The following ANKRD10 variants were observed in gnomAD, a reference collection of about 807,000 sequenced individuals.
ANKRD10 encodes the protein ankyrin repeat domain 10.
A neutral mutation model predicts 27.0 loss-of-function variants in ANKRD10; 14 were observed. The observed-to-expected ratio is 0.52, with a 90% confidence interval of 0.34 to 0.81. The LOEUF is 0.81. Ranked by LOEUF, ANKRD10 falls within the 40% of genes least tolerant of loss-of-function variation. The pLI is 0.01. For synonymous variants in ANKRD10, 250 were observed against 224.5 expected (o/e 1.11, Z -1.01); for missense variants, 493 against 544.0 (o/e 0.91, Z 0.93).
At chr13:110,885,122 C>A (rs888059572) in intron 4 of ANKRD10, among the ~76,000 whole-genome samples, 1 of 152,072 alleles carries the variant, frequency 6.6e-6, no homozygotes, top group African/African-American at 2.4e-5. Flanking sequence ...CAGAGGCATT[C>A]AATGGTGGAT....
chr13:110,914,458 G>C, intron 1 of ANKRD10: 1 of 303,390 alleles, frequency 3.3e-6, no homozygotes, highest in East Asian at 5.7e-5. Flanking sequence ...CTTGCTACGC[G>C]CGCCGCCGCA....
intron 4 of ANKRD10, among the ~76,000 whole-genome samples, chr13:110,887,924 A>G (rs2064975580): frequency 6.6e-6 from 1 of 152,224 alleles, no homozygotes; most frequent in African/African-American, 2.4e-5. Context: ...CAGCAAGGAA[A>G]GACACTCTGC....
intron 3 of ANKRD10, 33 bp downstream of exon 3, chr13:110,906,000 T>C: frequency 6.5e-7 from 1 of 1,547,084 alleles, no homozygotes; most frequent in Non-Finnish European, 8.8e-7. Context: ...CAACTACATC[T>C]TTAGCTGGAA....
chr13:110,885,776 T>C (rs2138824681), intron 4 of ANKRD10, among the ~76,000 whole-genome samples: 1 of 152,214 alleles, frequency 6.6e-6, no homozygotes, highest in South Asian at 2.1e-4. Flanking sequence ...TGGACTTTGA[T>C]GGGAATACAA....
intron 3 of ANKRD10, among the ~76,000 whole-genome samples, chr13:110,901,648 G>A (rs369305850): frequency 9.8e-5 from 15 of 152,310 alleles, no homozygotes; most frequent in African/African-American, 3.6e-4. Flanking sequence ...CTTTCTAGCA[G>A]GCAGAACTTA....
chr13:110,892,436 A>AAAAAAAAAAAAAAAAT (rs1555321016), intron 4 of ANKRD10, among the ~76,000 whole-genome samples: 2 of 144,470 alleles, frequency 1.4e-5, no homozygotes, highest in Non-Finnish European at 3.1e-5. Flanking sequence ...AAAAAAAAAA[A>AAAAAAAAAAAAAAAAT]TGGTGGGAGA....
At chr13:110,897,520 T>G (rs1308953900) in intron 3 of ANKRD10, among the ~76,000 whole-genome samples, 1 of 152,162 alleles carries the variant, frequency 6.6e-6, no homozygotes, top group African/African-American at 2.4e-5. Context: ...AGATCATACA[T>G]GTTGCTGAGA....
At position 110,905,926 on chromosome 13, in the gene ANKRD10, A is replaced by G. The variant is rs2065518785; in HGVS notation, c.455+107T>C. 4.3e-5 allele frequency: 46 copies of G among 1,058,242 alleles called. No individual in the cohort carries two copies. In the South Asian group the frequency reaches 7.6e-4, roughly 17 times the overall value. 65.6% of individuals were successfully genotyped at this position (1,058,242 alleles called of 1,614,324 possible). A position where few individuals can be genotyped will look rare whatever the true frequency, so the allele number is the denominator to read the frequency against. ...TTCTAAAAGGCAAAATTACATTACT[A>G]ATTTTGAAAACAAAGTTTTAGGACT... On this transcript the variant is annotated intron_variant, in intron 3 of 5. Transcript: ENST00000267339.
intron 3 of ANKRD10, among the ~76,000 whole-genome samples, chr13:110,897,268 C>CA (rs1266015425): frequency 1.3e-5 from 2 of 149,512 alleles, no homozygotes; most frequent in Non-Finnish European, 3.0e-5. Flanking sequence ...GCTAGGTATA[C>CA]AGGCATGTGC....
chr13:110,890,155 T>A (rs559577517), intron 4 of ANKRD10, among the ~76,000 whole-genome samples: 1 of 152,160 alleles, frequency 6.6e-6, no homozygotes, highest in East Asian at 1.9e-4. Flanking sequence ...ATGCCAGAAA[T>A]TACAACGAAA....
At position 110,893,148 on chromosome 13, in the gene ANKRD10, T is replaced by A; in HGVS notation, c.571A>T (p.Asn191Tyr). Residue 191 changes from asparagine (N) to tyrosine (Y), a missense_variant, in exon 4 of 6, where the codon AAT becomes TAT. Transcript: ENST00000267339. ...TGATGACCCCCATTTAAGATGCCATTGTTATAGAAATGGTTCAGATGACAA... is the reference window on the plus strand; with the variant it reads ...TGATGACCCCCATTTAAGATGCCATAGTTATAGAAATGGTTCAGATGACAA... ...QNCHLNHFYN[N>Y]GILNGGHQNV... The A allele has an allele frequency of 6.2e-7, 1 of 1,614,196 alleles. No homozygotes were observed. Among genetic ancestry groups the A allele is most frequent in the South Asian group, 1.1e-5 (1 of 91,090 alleles).
intron 2 of ANKRD10, among the ~76,000 whole-genome samples, chr13:110,907,099 T>TTTTTTTTTTTTTTTG: frequency 0.011 from 1 of 94 alleles, no homozygotes; most frequent in African/African-American, 0.011. Flanking sequence ...TTTTTTTTTT[T>TTTTTTTTTTTTTTTG]GAGACGGAGT....
At chr13:110,913,475 C>T (rs1039937193) in intron 1 of ANKRD10, among the ~76,000 whole-genome samples, 14 of 152,238 alleles carry the variant, frequency 9.2e-5, no homozygotes, top group Non-Finnish European at 1.9e-4. Context: ...AACCTAACAG[C>T]CCTTGAGGAC....
At chr13:110,905,909 G>C in intron 3 of ANKRD10, 124 bp downstream of exon 3, 1 of 894,310 alleles carries the variant, frequency 1.1e-6, no homozygotes, top group Non-Finnish European at 1.7e-6. Flanking sequence ...TGTTCTAAAA[G>C]GCAAAATTAC....
intron 1 of ANKRD10, among the ~76,000 whole-genome samples, chr13:110,914,107 G>A (rs2065804338): frequency 1.3e-5 from 2 of 152,322 alleles, no homozygotes; most frequent in East Asian, 1.9e-4. Flanking sequence ...AAACCCAGAA[G>A]CTGGAGAGCC....
intron 3 of ANKRD10, among the ~76,000 whole-genome samples, chr13:110,897,334 G>C (rs2065255037): frequency 7.0e-6 from 1 of 143,254 alleles, no homozygotes; most frequent in African/African-American, 2.6e-5. Context: ...ATGTTGCTCA[G>C]GCTGGTCTCA....
At chr13:110,892,383 T>TTG (rs2065097660) in intron 4 of ANKRD10, among the ~76,000 whole-genome samples, 1 of 99,282 alleles carries the variant, frequency 1.0e-5, no homozygotes, top group Non-Finnish European at 1.9e-5. Context: ...TGAGCCGAGA[T>TTG]CACAGCATTG....
At chr13:110,899,662 T>C (rs2065329717) in intron 3 of ANKRD10, among the ~76,000 whole-genome samples, 1 of 152,176 alleles carries the variant, frequency 6.6e-6, no homozygotes, top group African/African-American at 2.4e-5. Context: ...GACTGTGCTT[T>C]TATCTATAAA....
chr13:110,911,287 TA>T (rs1177504883), intron 1 of ANKRD10, among the ~76,000 whole-genome samples: 1 of 148,428 alleles, frequency 6.7e-6, no homozygotes, highest in African/African-American at 2.5e-5. Context: ...CCATCTCTAC[TA>T]AAAATACAAA....
Sources: gnomAD v4.1 joint callset for allele counts (sites outside exome capture counted in the v4.1 genomes callset) on GRCh38, gnomAD v4.1.1 for gene constraint, MANE v1.5 for transcripts, NCBI Gene and HGNC (gene_info 2026-07-23, HGNC 2026-07-21) for gene names.